Variants in GLG1 observed in about 807,000 individuals in gnomAD.
The protein encoded by GLG1 is golgi glycoprotein 1.
Under a neutral mutation model 160.5 loss-of-function variants are expected in GLG1, and 38 were observed. The ratio of observed to expected loss-of-function variants is 0.24; its 90% confidence interval spans 0.18 to 0.31. The LOEUF is 0.31. Among genes scored for constraint, GLG1 ranks in the 10% least tolerant of loss-of-function variants. GLG1 has a pLI of 1.00. For synonymous variants in GLG1, 644 were observed against 543.4 expected, an observed-to-expected ratio of 1.19 and a Z score of -2.57; for missense variants, 1,373 against 1,505.2, an observed-to-expected ratio of 0.91 and a Z score of 1.45.
chr16:74,477,452 C>A lies in GLG1; in HGVS notation c.1909G>T (p.Asp637Tyr). ...MDVKLDPALQ[D>Y]KCLIDLGKWC... ...TTTCCCAGATCAATCAGGCACTTAT[C>A]CTGGAGGGCAGGATCCAGCTTGACA... is the stretch of plus-strand genomic sequence containing the variant. Residue 637 changes from aspartate to tyrosine, a missense_variant, in exon 12 of 26, where the codon GAT (aspartate) becomes TAT (tyrosine). By Grantham distance (160) the Asp-to-Tyr change is radical. Transcript: ENST00000422840. 1 of 1,612,922 alleles carries A rather than the reference C, an allele frequency of 6.2e-7. No homozygotes were observed. The highest frequency in any genetic ancestry group is 8.5e-7 in the Non-Finnish European group (1 of 1,178,874).
chr16:74,534,106 T>C (rs1021007994), intron 1 of GLG1, among the ~76,000 whole-genome samples: 13 of 152,172 alleles, frequency 8.5e-5, no homozygotes, highest in African/African-American at 3.1e-4. Context: ...TTTAATTAGG[T>C]TGCTAGGTAA....
rs777092859 is a variant in GLG1, at chr16:74,606,848, G to C, written c.247C>G (p.Gln83Glu). The C allele has an allele frequency of 6.3e-7, 1 of 1,598,142 alleles. No individual in the cohort carries two copies. Among genetic ancestry groups the C allele is most frequent in the African/African-American group, 1.3e-5 (1 of 74,706 alleles). ...QQQQQQQQQQ[Q>E]QPQPPQPPFP... ...GGCGGCTGCGGCGGCTGAGGCTGCTGTTGCTGTTGCTGCTGCTGCTGTTGC... is the reference window on the plus strand; with the variant it reads ...GGCGGCTGCGGCGGCTGAGGCTGCTCTTGCTGTTGCTGCTGCTGCTGTTGC... Residue 83 changes from glutamine (Q) to glutamate (E), a missense_variant, in exon 1 of 26, where the codon CAG becomes GAG. Transcript: ENST00000422840.
chr16:74,598,099 A>G (rs936924213), intron 1 of GLG1, among the ~76,000 whole-genome samples: 3 of 152,194 alleles, frequency 2.0e-5, no homozygotes, highest in Admixed American at 6.6e-5. Flanking sequence ...TAACGCCTAG[A>G]AAGCATCCAG....
intron 2 of GLG1, among the ~76,000 whole-genome samples, chr16:74,525,403 G>A (rs561245038): frequency 6.6e-6 from 1 of 152,114 alleles, no homozygotes. Context: ...AAGAGACAGG[G>A]TCTCACTATG....
At chr16:74,551,470 A>ATTTTT (rs10570582) in intron 1 of GLG1, among the ~76,000 whole-genome samples, 10 of 128,292 alleles carry the variant, frequency 7.8e-5, no homozygotes, top group African/African-American at 2.4e-4. Flanking sequence ...ATGTCTGGCT[A>ATTTTT]TTTTTTTTTT....
intron 2 of GLG1, among the ~76,000 whole-genome samples, chr16:74,523,855 T>C (rs2017250016): frequency 6.6e-6 from 1 of 152,186 alleles, no homozygotes; most frequent in Non-Finnish European, 1.5e-5. Context: ...GGATTTTCTA[T>C]TTATATAATT....
At chr16:74,590,795 CAAAAAAAAAAAA>C (rs71158529) in intron 1 of GLG1, among the ~76,000 whole-genome samples, 2 of 68,976 alleles carry the variant, frequency 2.9e-5, no homozygotes, top group Non-Finnish European at 5.2e-5. Context: ...GAAACTGTCT[CAAAAAAAAAAAA>C]AAAAGAAAAA....
At position 74,462,506 on chromosome 16, in the gene GLG1, C is replaced by T. The variant is rs1047065666; in HGVS notation, c.2916G>A (p.Lys972=). The T allele has an allele frequency of 1.4e-5, 22 of 1,613,658 alleles. No individual in the cohort carries two copies. Among genetic ancestry groups the T allele is most frequent in the Non-Finnish European group, 1.8e-5 (21 of 1,179,658 alleles). Residue 972 remains lysine (K), a synonymous_variant, in exon 21 of 26, where the codon AAG becomes AAA. Transcript: ENST00000422840. ...AGTTTACCTGGTCAGCATATCTCAG[C>T]TTCAGGCAAGAGATGACTTGTCCTT... is the stretch of plus-strand genomic sequence containing the variant. ...ELEGQVISCL[K]LRYADQRLSS...
chr16:74,572,512 C>CAAAA (rs1212497736), intron 1 of GLG1, among the ~76,000 whole-genome samples: 1 of 56,264 alleles, frequency 1.8e-5, no homozygotes, highest in African/African-American at 7.8e-5. Flanking sequence ...GACTCTGTCT[C>CAAAA]AAAAAAAAAA....
intron 3 of GLG1, among the ~76,000 whole-genome samples, chr16:74,507,662 G>T (rs530597692): frequency 3.7e-4 from 57 of 152,112 alleles, no homozygotes; most frequent in Middle Eastern, 3.4e-3. Context: ...CTTGAACCCA[G>T]GAGGCAGAGG....
chr16:74,583,364 G>T (rs547584753), intron 1 of GLG1, among the ~76,000 whole-genome samples: 1 of 152,266 alleles, frequency 6.6e-6, no homozygotes, highest in African/African-American at 2.4e-5. Flanking sequence ...TGGAGGTAGT[G>T]TAACAGTTAA....
intron 25 of GLG1, 69 bp from the exon 26 acceptor site, chr16:74,453,403 T>C: frequency 2.1e-6 from 2 of 969,664 alleles, no homozygotes; most frequent in Non-Finnish European, 1.6e-6. Context: ...AGGTCTAACT[T>C]ATCCCTCTCA....
chr16:74,523,215 A>G (rs1300061704), intron 2 of GLG1, among the ~76,000 whole-genome samples: 1 of 152,204 alleles, frequency 6.6e-6, no homozygotes, highest in Non-Finnish European at 1.5e-5. Flanking sequence ...TAGAAATTTT[A>G]CTGTTTTACT....
intron 6 of GLG1, among the ~76,000 whole-genome samples, chr16:74,494,436 T>C (rs1449432318): frequency 8.1e-5 from 10 of 122,880 alleles, no homozygotes; most frequent in Non-Finnish European, 8.1e-5. Context: ...AGACAGAGTC[T>C]CACTCTGTCA....
chr16:74,600,520 TCAGAGGTTCAAGAC>T (rs1233682794), intron 1 of GLG1, among the ~76,000 whole-genome samples: 1 of 151,978 alleles, frequency 6.6e-6, no homozygotes. Flanking sequence ...TCACTTGAGG[TCAGAGGTTCAAGAC>T]CAGCCTGGCC....
intron 2 of GLG1, among the ~76,000 whole-genome samples, chr16:74,527,064 C>A (rs993101558): frequency 6.6e-6 from 1 of 152,090 alleles, no homozygotes; most frequent in Non-Finnish European, 1.5e-5. Context: ...ATTATACATC[C>A]TTAACTTGGT....
intron 4 of GLG1, among the ~76,000 whole-genome samples, chr16:74,498,980 T>C (rs2016312671): frequency 6.6e-6 from 1 of 152,044 alleles, no homozygotes; most frequent in African/African-American, 2.4e-5. Context: ...ATTAAAGGAT[T>C]TGTCTATAGC....
chr16:74,598,636 T>C (rs1333505207), intron 1 of GLG1, among the ~76,000 whole-genome samples: 3 of 152,044 alleles, frequency 2.0e-5, no homozygotes, highest in South Asian at 2.1e-4. Flanking sequence ...CTCACGTCTG[T>C]AATCCCAACA....
At chr16:74,508,601 G>A (rs2016695575) in intron 3 of GLG1, among the ~76,000 whole-genome samples, 1 of 152,106 alleles carries the variant, frequency 6.6e-6, no homozygotes, top group African/African-American at 2.4e-5. Context: ...TTTACTTGCT[G>A]TTTTGAGACC....
Sources: allele counts gnomAD v4.1 joint callset (sites outside exome capture counted in the v4.1 genomes callset), GRCh38; gene constraint gnomAD v4.1.1; transcripts MANE v1.5; gene names NCBI Gene and HGNC (gene_info 2026-07-23, HGNC 2026-07-21).